The following PAG1 variants were observed in gnomAD, a reference collection of about 807,000 sequenced individuals.
PAG1 encodes phosphoprotein membrane anchor with glycosphingolipid microdomains 1, also known as phosphoprotein associated with glycosphingolipid-enriched microdomains 1.
A neutral mutation model predicts 31.7 loss-of-function variants in PAG1; 23 were observed. That is an observed-to-expected ratio of 0.73 (90% CI 0.52 to 1.03). PAG1 has a LOEUF of 1.03. Among genes scored for constraint, PAG1 ranks in the 50% least tolerant of loss-of-function variants. The pLI is 0.00. For synonymous variants in PAG1, 214 were observed against 210.3 expected, an observed-to-expected ratio of 1.02 and a Z score of -0.15; for missense variants, 473 against 540.7, an observed-to-expected ratio of 0.87 and a Z score of 1.24.
At chr8:81,048,569 T>C (rs906857127) in intron 2 of PAG1, among the ~76,000 whole-genome samples, 1 of 152,116 alleles carries the variant, frequency 6.6e-6, no homozygotes, top group African/African-American at 2.4e-5. Context: ...GGGTTCCATA[T>C]TAGGAGAACA....
chr8:81,072,875 A>T (rs1809117303), intron 1 of PAG1, among the ~76,000 whole-genome samples: 1 of 152,210 alleles, frequency 6.6e-6, no homozygotes, highest in East Asian at 1.9e-4. Flanking sequence ...ATCTCATCCA[A>T]TACGCACAAA....
At chr8:81,005,208 A>AG (rs1358721004) in intron 3 of PAG1, among the ~76,000 whole-genome samples, 1 of 152,106 alleles carries the variant, frequency 6.6e-6, no homozygotes, top group South Asian at 2.1e-4. Context: ...GAATAGACTT[A>AG]GGGGGCTTTC....
chr8:80,975,088 TTTTATGAGG>T lies in PAG1; in HGVS notation c.*1447_*1455del, dbSNP rs1247165596. The stretch of plus-strand genomic sequence containing the variant: ...TTAAACCTTAATGGAATTATGACAC[TTTTATGAGG>T]TTTATAATTCACAGCCACCTCTCAT... On this transcript the variant is annotated 3_prime_UTR_variant, in exon 9 of 9. Transcript: ENST00000220597. 6.6e-6 allele frequency: 1 copy of T among 152,252 alleles called. No individual in the cohort carries two copies. The highest frequency in any genetic ancestry group is 1.5e-5 in the Non-Finnish European group (1 of 68,044). The allele number at this position is 152,252 out of a possible 1,614,324, so 9.4% of individuals were successfully genotyped here. A position where few individuals can be genotyped will look rare whatever the true frequency, so the allele number is the denominator to read the frequency against.
intron 3 of PAG1, among the ~76,000 whole-genome samples, chr8:80,996,097 C>T (rs1807666895): frequency 6.6e-6 from 1 of 152,256 alleles, no homozygotes; most frequent in African/African-American, 2.4e-5. Context: ...GTCAGATGCA[C>T]TGCAGTCCTC....
rs931244576 is a variant in PAG1, at chr8:81,043,033, T to C, written c.-174-12944A>G. On this transcript the variant is annotated intron_variant, in intron 2 of 8. Transcript: ENST00000220597. ...TAGACCCCTTTTACAATAAAATACA[T>C]ACTTTCTGTCTTTTTTATTTTTTAA... Among the ~76,000 whole-genome samples the C allele has an allele frequency of 5.3e-5, 8 of 152,322 alleles. 1 individual carries two copies. Among genetic ancestry groups the C allele is most frequent in the Admixed American group, 3.3e-4 (5 of 15,306 alleles).
intron 3 of PAG1, among the ~76,000 whole-genome samples, chr8:81,012,784 G>T (rs1469247925): frequency 6.6e-6 from 1 of 152,120 alleles, no homozygotes; most frequent in African/African-American, 2.4e-5. Context: ...TTAATGTCAG[G>T]AAAAGAGGCA....
intron 2 of PAG1, among the ~76,000 whole-genome samples, chr8:81,054,536 C>T (rs1468496355): frequency 6.6e-6 from 1 of 151,990 alleles, no homozygotes; most frequent in Non-Finnish European, 1.5e-5. Context: ...ATTAGCCAGG[C>T]GTGGTGGCAG....
At chr8:81,091,462 T>G (rs1401672223) in intron 1 of PAG1, among the ~76,000 whole-genome samples, 1 of 152,148 alleles carries the variant, frequency 6.6e-6, no homozygotes, top group Non-Finnish European at 1.5e-5. Context: ...TACAATGTAC[T>G]TACACAAACC....
At chr8:81,032,392 A>G (rs1197609909) in intron 2 of PAG1, among the ~76,000 whole-genome samples, 1 of 152,202 alleles carries the variant, frequency 6.6e-6, no homozygotes, top group Admixed American at 6.5e-5. Flanking sequence ...AAAAATGGGC[A>G]AAGGATCTGA....
chr8:80,995,768 C>T (rs888537869), intron 3 of PAG1, among the ~76,000 whole-genome samples: 1 of 152,180 alleles, frequency 6.6e-6, no homozygotes, highest in East Asian at 1.9e-4. Context: ...AGTGTGGAAT[C>T]GCCAACAACT....
chr8:81,040,468 T>TA (rs1038087610), intron 2 of PAG1, among the ~76,000 whole-genome samples: 25 of 150,826 alleles, frequency 1.7e-4, no homozygotes, highest in African/African-American at 4.9e-4. Flanking sequence ...ACTGGTGCCT[T>TA]AAAAAAAAAC....
chr8:81,091,876 C>G (rs1809451706), intron 1 of PAG1, among the ~76,000 whole-genome samples: 1 of 151,606 alleles, frequency 6.6e-6, no homozygotes, highest in Admixed American at 6.6e-5. Context: ...TGCAGTGGCT[C>G]ACACCTAAAA....
chr8:81,027,516 A>G (rs977086775), intron 3 of PAG1, among the ~76,000 whole-genome samples: 2 of 152,224 alleles, frequency 1.3e-5, no homozygotes, highest in Non-Finnish European at 1.5e-5. Flanking sequence ...CCAATGCTCT[A>G]CTGTATACTG....
chr8:80,968,176 G>A lies in PAG1; in HGVS notation c.*8368C>T, dbSNP rs564946099. On this transcript the variant is annotated 3_prime_UTR_variant, in exon 9 of 9. Coordinates refer to ENST00000220597, the MANE Select transcript of PAG1 (RefSeq NM_018440.4). The stretch of plus-strand genomic sequence containing the variant: ...AAACCCTAAACATAATTAATAATTG[G>A]ATCATTAAAAACACAACTTCAATTT... The A allele has an allele frequency of 6.6e-6, 1 of 152,274 alleles. No individual in the cohort carries two copies. Among genetic ancestry groups the A allele is most frequent in the South Asian group, 2.1e-4 (1 of 4,826 alleles). The allele number at this position is 152,274 out of a possible 1,614,324, so 9.4% of individuals were successfully genotyped here.
intron 1 of PAG1, among the ~76,000 whole-genome samples, chr8:81,107,473 T>C (rs1321244272): frequency 1.3e-5 from 2 of 152,198 alleles, no homozygotes; most frequent in African/African-American, 2.4e-5. Flanking sequence ...ACGGGCCTCC[T>C]TGCACAGTTC....
chr8:80,995,356 C>T (rs936859935), intron 3 of PAG1, among the ~76,000 whole-genome samples: 11 of 152,150 alleles, frequency 7.2e-5, no homozygotes, highest in African/African-American at 2.7e-4. Context: ...ACACGACAGG[C>T]GTACAGTAAT....
chr8:81,089,652 C>T (rs1273641564), intron 1 of PAG1, among the ~76,000 whole-genome samples: 2 of 151,918 alleles, frequency 1.3e-5, no homozygotes, highest in African/African-American at 4.8e-5. Context: ...GAGACATTAT[C>T]TTTATTGGAT....
intron 1 of PAG1, among the ~76,000 whole-genome samples, chr8:81,087,718 T>C (rs2131047827): frequency 6.6e-6 from 1 of 152,278 alleles, no homozygotes; most frequent in South Asian, 2.1e-4. Flanking sequence ...GCCCAGCTAA[T>C]GTTTCGGGGA....
intron 8 of PAG1, among the ~76,000 whole-genome samples, chr8:80,978,394 T>C (rs535666504): frequency 1.6e-4 from 24 of 152,334 alleles, no homozygotes; most frequent in Non-Finnish European, 2.9e-5. Flanking sequence ...GAATGTATTA[T>C]CTAAATGGTG....
Sources: gnomAD v4.1 joint callset for allele counts (sites outside exome capture counted in the v4.1 genomes callset) on GRCh38, gnomAD v4.1.1 for gene constraint, MANE v1.5 for transcripts, NCBI Gene and HGNC (gene_info 2026-07-23, HGNC 2026-07-21) for gene names.